Variants in LRRTM4 observed in about 807,000 individuals in gnomAD.
The protein encoded by LRRTM4 is leucine-rich repeat transmembrane neuronal protein 4.
In LRRTM4, 25 loss-of-function variants were observed where a neutral mutation model predicts 47.6. That is an observed-to-expected ratio of 0.53 (90% CI 0.38 to 0.73). The LOEUF (loss-of-function observed/expected upper bound fraction) is 0.73. Among genes scored for constraint, LRRTM4 ranks in the 30% least tolerant of loss-of-function variants. The pLI is 0.00. For synonymous variants in LRRTM4, 311 were observed against 269.5 expected, an observed-to-expected ratio of 1.15 and a Z score of -1.51; for missense variants, 638 against 713.4, an observed-to-expected ratio of 0.89 and a Z score of 1.20.
intron 3 of LRRTM4, among the ~76,000 whole-genome samples, chr2:77,382,944 C>G (rs1673119416): frequency 6.6e-6 from 1 of 152,068 alleles, no homozygotes; most frequent in Admixed American, 6.6e-5. Flanking sequence ...CTGAAATAAT[C>G]TAGTCTGTTG....
intron 3 of LRRTM4, among the ~76,000 whole-genome samples, chr2:77,289,416 TC>T (rs1433906286): frequency 6.6e-6 from 1 of 152,048 alleles, no homozygotes; most frequent in Non-Finnish European, 1.5e-5. Flanking sequence ...AATTGAAACA[TC>T]CATGCATGCC....
intron 3 of LRRTM4, among the ~76,000 whole-genome samples, chr2:77,456,758 C>A (rs1166457116): frequency 6.6e-6 from 1 of 151,722 alleles, no homozygotes; most frequent in Admixed American, 6.6e-5. Flanking sequence ...TGGTGTGTAG[C>A]CTGATCTTAT....
chr2:77,232,934 A>G (rs1256297683), intron 3 of LRRTM4, among the ~76,000 whole-genome samples: 1 of 152,180 alleles, frequency 6.6e-6, no homozygotes, highest in African/African-American at 2.4e-5. Flanking sequence ...AAATATAATT[A>G]CTTGACTTTA....
chr2:77,285,087 C>A (rs1676612665), intron 3 of LRRTM4, among the ~76,000 whole-genome samples: 1 of 151,760 alleles, frequency 6.6e-6, no homozygotes, highest in Non-Finnish European at 1.5e-5. Flanking sequence ...ATGATATAAA[C>A]CTCTGATATC....
intron 2 of LRRTM4, 42 bp downstream of exon 2, chr2:77,521,626 G>C: frequency 6.2e-7 from 1 of 1,610,958 alleles, no homozygotes; most frequent in Non-Finnish European, 8.5e-7. Flanking sequence ...GAAGCCAAGA[G>C]GATCAGCTTT....
At chr2:76,971,655 G>A (rs763399627) in intron 3 of LRRTM4, among the ~76,000 whole-genome samples, 1 of 152,020 alleles carries the variant, frequency 6.6e-6, no homozygotes, top group Non-Finnish European at 1.5e-5. Context: ...AAGAGAATAA[G>A]AAGTAAGCTT....
intron 3 of LRRTM4, among the ~76,000 whole-genome samples, chr2:77,131,843 C>T (rs1671810969): frequency 6.6e-6 from 1 of 152,230 alleles, no homozygotes; most frequent in Non-Finnish European, 1.5e-5. Flanking sequence ...AACAAAATAA[C>T]ACAATTTGGG....
At chr2:77,378,779 T>C (rs1250633300) in intron 3 of LRRTM4, among the ~76,000 whole-genome samples, 1 of 152,094 alleles carries the variant, frequency 6.6e-6, no homozygotes. Context: ...CCTGCCTCAG[T>C]GTTCTCATGT....
intron 3 of LRRTM4, among the ~76,000 whole-genome samples, chr2:76,955,321 T>A (rs1043759056): frequency 6.6e-6 from 1 of 151,798 alleles, no homozygotes; most frequent in South Asian, 2.1e-4. Flanking sequence ...GTGACATCAA[T>A]GTAAAAAAGT....
chr2:77,418,625 C>T (rs72919963), intron 3 of LRRTM4, among the ~76,000 whole-genome samples: 2,886 of 152,276 alleles, frequency 0.019, 92 homozygotes, highest in African/African-American at 0.066. Context: ...CTCAATATCT[C>T]TTTCACCTTC....
At chr2:77,426,827 ACATG>A (rs1415785200) in intron 3 of LRRTM4, among the ~76,000 whole-genome samples, 3 of 142,324 alleles carry the variant, frequency 2.1e-5, no homozygotes, top group Non-Finnish European at 4.7e-5. Context: ...ACACACACAC[ACATG>A]CACACACACA....
intron 3 of LRRTM4, among the ~76,000 whole-genome samples, chr2:76,807,487 CAT>C (rs1169217695): frequency 4.3e-4 from 40 of 92,392 alleles, no homozygotes; most frequent in East Asian, 8.7e-4. Context: ...TATATATATA[CAT>C]ATATATATAT....
chr2:77,210,710 G>C (rs1264571149), intron 3 of LRRTM4, among the ~76,000 whole-genome samples: 1 of 152,124 alleles, frequency 6.6e-6, no homozygotes, highest in Non-Finnish European at 1.5e-5. Context: ...TCAGGGTCTG[G>C]TGATGTGTTT....
At chr2:77,492,602 A>G (rs1678211038) in intron 3 of LRRTM4, among the ~76,000 whole-genome samples, 1 of 152,154 alleles carries the variant, frequency 6.6e-6, no homozygotes, top group African/African-American at 2.4e-5. Flanking sequence ...GAGACACACA[A>G]ATTCCTGCAA....
chr2:76,784,919 G>A (rs961238035), intron 3 of LRRTM4, among the ~76,000 whole-genome samples: 3 of 152,054 alleles, frequency 2.0e-5, no homozygotes, highest in Admixed American at 6.6e-5. Context: ...AATTCAGTTC[G>A]AATAGAGATT....
chr2:76,754,004 G>A (rs187030100), intron 3 of LRRTM4, among the ~76,000 whole-genome samples: 1 of 152,160 alleles, frequency 6.6e-6, no homozygotes, highest in East Asian at 1.9e-4. Flanking sequence ...ATTTCAGCAT[G>A]AGTTCTTTCA....
At chr2:76,819,418 A>C (rs1670993288) in intron 3 of LRRTM4, among the ~76,000 whole-genome samples, 1 of 151,826 alleles carries the variant, frequency 6.6e-6, no homozygotes, top group Non-Finnish European at 1.5e-5. Flanking sequence ...AACATAGCAA[A>C]AGAAACCTAG....
chr2:77,336,713 C>A (rs990708607), intron 3 of LRRTM4, among the ~76,000 whole-genome samples: 6 of 152,022 alleles, frequency 3.9e-5, no homozygotes, highest in Non-Finnish European at 8.8e-5. Flanking sequence ...AAGGAATACA[C>A]CTCAAAATAA....
At chr2:77,286,831 G>A (rs1676677554) in intron 3 of LRRTM4, among the ~76,000 whole-genome samples, 1 of 152,080 alleles carries the variant, frequency 6.6e-6, no homozygotes, top group Non-Finnish European at 1.5e-5. Flanking sequence ...TGGGCTACCT[G>A]AAGGAAAACC....
Sources: gnomAD v4.1 joint callset for allele counts (sites outside exome capture counted in the v4.1 genomes callset) on GRCh38, gnomAD v4.1.1 for gene constraint, MANE v1.5 for transcripts, NCBI Gene and HGNC (gene_info 2026-07-23, HGNC 2026-07-21) for gene names.